The following CHN1 variants were observed in gnomAD, a reference collection of about 807,000 sequenced individuals.
CHN1 encodes the protein N-chimaerin.
A neutral mutation model predicts 59.5 loss-of-function variants in CHN1; 37 were observed. The ratio of observed to expected loss-of-function variants is 0.62; its 90% CI spans 0.48 to 0.82. The LOEUF (loss-of-function observed/expected upper bound fraction) is 0.82, where lower values mean the gene tolerates loss of function less well. Among genes scored for constraint, CHN1 ranks in the 40% least tolerant of loss-of-function variants. The pLI, the probability that CHN1 is intolerant of heterozygous loss-of-function variation, is 0.00. For missense variants in CHN1, 469 were observed against 571.0 expected (o/e 0.82, Z 1.82); for synonymous variants, 206 against 200.4 (o/e 1.03, Z -0.24).
At chr2:174,812,094 G>A (rs1469678341) in intron 9 of CHN1, 1 of 395,096 alleles carries the variant, frequency 2.5e-6, no homozygotes, top group African/African-American at 2.1e-5. Context: ...TTTTATACAA[G>A]CACATTGGCT....
intron 7 of CHN1, among the ~76,000 whole-genome samples, chr2:174,837,937 C>CACAAAATATGATATGATATG (rs1553476190): frequency 6.6e-6 from 1 of 152,114 alleles, no homozygotes; most frequent in Non-Finnish European, 1.5e-5. Context: ...TGCACTATTA[C>CACAAAATATGATATGATATG]ATAACAAATG....
intron 1 of CHN1, among the ~76,000 whole-genome samples, chr2:174,997,287 T>G (rs1247746247): frequency 6.6e-6 from 1 of 152,172 alleles, no homozygotes; most frequent in Non-Finnish European, 1.5e-5. Context: ...GTCCTCTGCT[T>G]TTTCACACAC....
chr2:174,925,657 C>T (rs1689145978), intron 3 of CHN1, among the ~76,000 whole-genome samples: 1 of 152,350 alleles, frequency 6.6e-6, no homozygotes, highest in African/African-American at 2.4e-5. Context: ...TCTACCTTAA[C>T]TCAAGCATTT....
rs753668808 is a variant in CHN1, at chr2:174,800,132, T to A, written c.1364A>T (p.Glu455Val). The change falls in exon 13 of 13, where the codon GAA (glutamate) becomes GTA (valine). Residue 455 changes from glutamate (E) to valine (V), a missense_variant. Physicochemically the swap from Glu to Val is moderately radical, Grantham distance 121. Around this residue, in one of 5 missense-constraint regions of CHN1, gnomAD observed 225 missense variants for 289.9 expected, o/e 0.78. Transcript: ENST00000409900. The part of the protein sequence containing the change: ...RLVVELLIKN[E>V]DILF ...ATTAAAAATTTAAAATAAAATGTCT[T>A]CGTTTTTGATAAGCAGCTCCACCAC... 1 of 1,573,752 alleles carries A rather than the reference T, an allele frequency of 6.4e-7. No individual in the cohort carries two copies. The highest frequency in any genetic ancestry group is 8.6e-7 in the Non-Finnish European group (1 of 1,162,680).
chr2:175,002,129 G>A (rs1051163977), intron 1 of CHN1, among the ~76,000 whole-genome samples: 1 of 152,200 alleles, frequency 6.6e-6, no homozygotes, highest in African/African-American at 2.4e-5. Context: ...AATGAGCAAG[G>A]TGAGCGAGCA....
At chr2:174,870,011 A>T (rs1212400274) in intron 6 of CHN1, among the ~76,000 whole-genome samples, 1 of 152,212 alleles carries the variant, frequency 6.6e-6, no homozygotes, top group Non-Finnish European at 1.5e-5. Context: ...GTATAAGATG[A>T]AGTAATGTAG....
intron 5 of CHN1, among the ~76,000 whole-genome samples, chr2:174,878,609 G>T (rs1687645012): frequency 6.6e-6 from 1 of 152,294 alleles, no homozygotes; most frequent in Admixed American, 6.5e-5. Flanking sequence ...AGAATATGAT[G>T]CCAGCAATCA....
chr2:174,876,180 G>A (rs1687557717), intron 6 of CHN1, among the ~76,000 whole-genome samples: 1 of 152,136 alleles, frequency 6.6e-6, no homozygotes, highest in Non-Finnish European at 1.5e-5. Context: ...TTTGACTGGG[G>A]GACAACCAAG....
chr2:174,810,386 G>T (rs1685032690), intron 10 of CHN1, among the ~76,000 whole-genome samples: 1 of 152,090 alleles, frequency 6.6e-6, no homozygotes, highest in African/African-American at 2.4e-5. Flanking sequence ...ATCTGTTACT[G>T]GTGTTTTCAG....
intron 6 of CHN1, chr2:174,847,159 A>G: frequency 6.5e-7 from 1 of 1,540,518 alleles, no homozygotes; most frequent in Non-Finnish European, 8.8e-7. Flanking sequence ...AAGAAAACCT[A>G]TAGTGGTCTA....
chr2:174,811,262 A>G (rs2105382657), intron 10 of CHN1: 1 of 362,520 alleles, frequency 2.8e-6, no homozygotes, highest in South Asian at 4.8e-5. Flanking sequence ...TTTGGTGAAC[A>G]TGGACCAGCC....
At chr2:174,930,432 G>T (rs554236539) in intron 3 of CHN1, among the ~76,000 whole-genome samples, 6 of 152,282 alleles carry the variant, frequency 3.9e-5, no homozygotes, top group Admixed American at 1.3e-4. Flanking sequence ...ACGGCTCAGG[G>T]TGTTACCGGT....
intron 1 of CHN1, among the ~76,000 whole-genome samples, chr2:174,961,853 T>C (rs758394996): frequency 2.6e-5 from 4 of 152,200 alleles, no homozygotes; most frequent in Non-Finnish European, 5.9e-5. Flanking sequence ...ATGAAAATAA[T>C]GTCTCAGTAT....
At chr2:174,959,742 G>T (rs1690339391) in intron 1 of CHN1, among the ~76,000 whole-genome samples, 1 of 152,152 alleles carries the variant, frequency 6.6e-6, no homozygotes, top group South Asian at 2.1e-4. Flanking sequence ...TATCAGGTAG[G>T]ACAGATTCTG....
In CHN1 at chr2:174,905,270, C is replaced by T. The variant is rs559921047; in HGVS notation, c.260+9788G>A. Among the ~76,000 whole-genome samples the T allele has an allele frequency of 5.1e-4, 78 of 152,268 alleles. 1 individual carries two copies. The highest frequency in any genetic ancestry group is 6.8e-3 in the Middle Eastern group (2 of 294). Reference sequence around the variant, plus strand: ...TTAAAGCAGATACACACCTGAGATTCTAGTTCTTCTTTGCAAAGTAGATAA... The same window carrying T: ...TTAAAGCAGATACACACCTGAGATTTTAGTTCTTCTTTGCAAAGTAGATAA... On this transcript the variant is annotated intron_variant, in intron 5 of 12. Transcript: ENST00000409900.
At chr2:174,864,990 C>G (rs1045269292) in intron 6 of CHN1, among the ~76,000 whole-genome samples, 3 of 152,062 alleles carry the variant, frequency 2.0e-5, no homozygotes, top group African/African-American at 7.2e-5. Flanking sequence ...ATGAAAGGAA[C>G]AAGATTATTT....
intron 1 of CHN1, among the ~76,000 whole-genome samples, chr2:174,958,402 C>A (rs763692453): frequency 2.0e-5 from 3 of 152,180 alleles, no homozygotes; most frequent in Non-Finnish European, 4.4e-5. Flanking sequence ...GGAACTCCCC[C>A]ACTCAATTTG....
At chr2:174,917,401 T>C (rs768856317) in intron 4 of CHN1, among the ~76,000 whole-genome samples, 7 of 150,966 alleles carry the variant, frequency 4.6e-5, no homozygotes, top group Non-Finnish European at 1.0e-4. Flanking sequence ...ACCATTGCAC[T>C]CCAGCCTGGG....
At chr2:174,895,946 G>T (rs1433256395) in intron 5 of CHN1, among the ~76,000 whole-genome samples, 1 of 152,014 alleles carries the variant, frequency 6.6e-6, no homozygotes, top group African/African-American at 2.4e-5. Context: ...TGATAAAAGA[G>T]GAAAGTGACT....
Sources: allele counts gnomAD v4.1 joint callset (sites outside exome capture counted in the v4.1 genomes callset), GRCh38; gene constraint gnomAD v4.1.1; regional missense constraint gnomAD v4.1.1; transcripts MANE v1.5; gene names NCBI Gene and HGNC (gene_info 2026-07-23, HGNC 2026-07-21).